FGF13: variants seen among roughly 807,000 people sequenced by gnomAD.
FGF13 encodes the protein fibroblast growth factor 13, also known as fibroblast growth factor homologous factor 2.
A neutral mutation model predicts 19.5 loss-of-function variants in FGF13; 2 were observed. The ratio of observed to expected loss-of-function variants is 0.10; its 90% confidence interval spans 0.04 to 0.32. FGF13 has a LOEUF of 0.32. FGF13 is among the 10% of genes least tolerant of loss of function. The pLI, the probability that FGF13 is intolerant of heterozygous loss-of-function variation, is 1.00. For synonymous variants in FGF13, 72 were observed against 76.9 expected (o/e 0.94, Z 0.33); for missense variants, 113 against 192.7 (o/e 0.59, Z 2.45).
intron 1 of FGF13, among the ~76,000 whole-genome samples, chrX:139,089,354 T>C (rs754127153): frequency 4.2e-4 from 47 of 112,515 alleles, no homozygotes; most frequent in Non-Finnish European, 7.5e-4. Flanking sequence ...TTAAAATAAC[T>C]GACTTGAATA....
chrX:138,974,001 G>T (rs1483504467), intron 1 of FGF13, among the ~76,000 whole-genome samples: 11 of 111,553 alleles, frequency 9.9e-5, no homozygotes. Context: ...GAAGAAGAGA[G>T]ATCTGAGTTG....
intron 3 of FGF13, among the ~76,000 whole-genome samples, chrX:138,770,927 AAGGT>A (rs2090540502): frequency 9.0e-6 from 1 of 111,030 alleles, no homozygotes; most frequent in Non-Finnish European, 1.9e-5. Context: ...CTGTGGGTGC[AAGGT>A]TTGAAAAGCA....
chrX:138,711,791 C>A, upstream of FGF13: 2 of 525,525 alleles, frequency 3.8e-6, no homozygotes, highest in Non-Finnish European at 4.6e-6. Context: ...AGCCGCAGGC[C>A]GCCCCTCCCA....
downstream of FGF13, among the ~76,000 whole-genome samples, chrX:138,852,933 G>A (rs1275538933): frequency 9.0e-6 from 1 of 110,699 alleles, no homozygotes; most frequent in Non-Finnish European, 1.9e-5. Flanking sequence ...AGACATTCAT[G>A]CAGCCAACAA....
intron 3 of FGF13, among the ~76,000 whole-genome samples, chrX:138,749,002 G>A (rs12845152): frequency 0.29 from 31,651 of 110,553 alleles, 3,434 homozygotes; most frequent in East Asian, 0.57. Flanking sequence ...GGAGGTTGCA[G>A]TGGGAAACAT....
intron 1 of FGF13, among the ~76,000 whole-genome samples, chrX:138,886,478 A>C (rs1015123264): frequency 7.1e-5 from 8 of 112,344 alleles, no homozygotes; most frequent in African/African-American, 2.6e-4. Flanking sequence ...GATTCATTTC[A>C]ATTGGGACAC....
At chrX:138,980,442 C>A (rs187145329) in intron 1 of FGF13, among the ~76,000 whole-genome samples, 184 of 111,804 alleles carry the variant, frequency 1.6e-3, no homozygotes, top group African/African-American at 5.9e-3. Flanking sequence ...GAGTGATGAT[C>A]AATAATAATT....
At chrX:138,955,846 T>G (rs2091838584) in intron 1 of FGF13, among the ~76,000 whole-genome samples, 1 of 112,169 alleles carries the variant, frequency 8.9e-6, no homozygotes, top group African/African-American at 3.2e-5. Flanking sequence ...GTCTGTGCAC[T>G]GCCTTTCTAC....
At chrX:139,078,813 G>A (rs1238420701) in intron 1 of FGF13, among the ~76,000 whole-genome samples, 4 of 112,596 alleles carry the variant, frequency 3.6e-5, no homozygotes, top group Non-Finnish European at 7.5e-5. Flanking sequence ...AAATATACCC[G>A]CTAACGTTTA....
chrX:138,630,030 GGTGTGTGTGTAT>G lies in FGF13; in HGVS notation c.*2808_*2819del, dbSNP rs2124084581. 1 of 111,012 alleles carries G rather than the reference GGTGTGTGTGTAT, an allele frequency of 9.0e-6. No individual in the cohort carries two copies. The highest frequency in any genetic ancestry group is 9.6e-5 in the Admixed American group (1 of 10,380). 9.1% of individuals were successfully genotyped at this position (111,012 alleles called of 1,213,427 possible). A position where few individuals can be genotyped will look rare whatever the true frequency, so the allele number is the denominator to read the frequency against. ...TGCATGAGGGGATGGGGTGGGAAAG[GGTGTGTGTGTAT>G]GTGTGTGTGTAATGAAGATGTGTGA... On this transcript the variant is annotated 3_prime_UTR_variant, in exon 5 of 5. Coordinates refer to ENST00000315930, the MANE Select transcript of FGF13 (RefSeq NM_004114.5).
intron 1 of FGF13, among the ~76,000 whole-genome samples, chrX:139,042,398 A>G (rs773339965): frequency 1.8e-5 from 2 of 111,729 alleles, no homozygotes; most frequent in African/African-American, 6.5e-5. Flanking sequence ...GTGCCTGACG[A>G]TGGTTAAATG....
intron 1 of FGF13, among the ~76,000 whole-genome samples, chrX:138,961,304 C>T (rs2091868615): frequency 9.0e-6 from 1 of 111,557 alleles, no homozygotes; most frequent in African/African-American, 3.3e-5. Flanking sequence ...GCTGGAGGTC[C>T]ACTCCAGACC....
chrX:139,139,215 G>A (rs992674961), intron 1 of FGF13, among the ~76,000 whole-genome samples: 2 of 111,449 alleles, frequency 1.8e-5, no homozygotes, highest in Non-Finnish European at 3.8e-5. Context: ...ATAGAGGCAC[G>A]AGCCACCATG....
chrX:138,827,846 C>T (rs777661529), intron 3 of FGF13, among the ~76,000 whole-genome samples: 9 of 112,135 alleles, frequency 8.0e-5, no homozygotes, highest in African/African-American at 2.3e-4. Context: ...AGGCACTATG[C>T]TTAATCAATC....
At chrX:138,843,498 G>A (rs1275023832) in intron 3 of FGF13, among the ~76,000 whole-genome samples, 1 of 111,998 alleles carries the variant, frequency 8.9e-6, no homozygotes, top group East Asian at 2.8e-4. Flanking sequence ...GTCCATGAAT[G>A]CAGTATTTTC....
At chrX:138,914,085 C>A (rs965396347) in intron 1 of FGF13, among the ~76,000 whole-genome samples, 2 of 109,270 alleles carry the variant, frequency 1.8e-5, no homozygotes, top group Admixed American at 2.0e-4. Flanking sequence ...TGACAAAATC[C>A]ATTCACTAAT....
intron 1 of FGF13, among the ~76,000 whole-genome samples, chrX:138,949,477 G>A (rs1411968550): frequency 9.0e-6 from 1 of 111,096 alleles, no homozygotes; most frequent in African/African-American, 3.3e-5. Flanking sequence ...GTTATTTCAC[G>A]TGACTTCTTA....
intron 1 of FGF13, among the ~76,000 whole-genome samples, chrX:138,988,267 A>C (rs752529640): frequency 5.4e-5 from 6 of 111,884 alleles, no homozygotes; most frequent in African/African-American, 1.9e-4. Flanking sequence ...CTCTCTAATC[A>C]CCTTATTTTC....
At chrX:138,978,401 C>T (rs1335101624) in intron 1 of FGF13, among the ~76,000 whole-genome samples, 4 of 108,858 alleles carry the variant, frequency 3.7e-5, no homozygotes, top group South Asian at 4.1e-4. Flanking sequence ...TAGCTGGGAT[C>T]ACAGGCGCCC....
Sources: gnomAD v4.1 joint callset for allele counts (sites outside exome capture counted in the v4.1 genomes callset) on GRCh38, gnomAD v4.1.1 for gene constraint, MANE v1.5 for transcripts, NCBI Gene and HGNC (gene_info 2026-07-23, HGNC 2026-07-21) for gene names.